The following OR10J1 variants were observed in gnomAD, a reference collection of about 807,000 sequenced individuals.
The protein encoded by OR10J1 is olfactory receptor 10J1.
For synonymous variants in OR10J1, 202 were observed against 143.8 expected, an observed-to-expected ratio of 1.40 and a Z score of -2.89; for missense variants, 474 against 376.6, an observed-to-expected ratio of 1.26 and a Z score of -2.14.
At chr1:159,422,719 C>A in the OR10J1 span, among the ~76,000 whole-genome samples, 1 of 152,148 alleles carries the variant, frequency 6.6e-6, no homozygotes, top group Non-Finnish European at 1.5e-5. Context: ...TAGAGCAGTG[C>A]CTTTGTGTAG....
chr1:159,429,326 T>C, the OR10J1 span, among the ~76,000 whole-genome samples: 2 of 152,348 alleles, frequency 1.3e-5, no homozygotes, highest in Non-Finnish European at 2.9e-5. Context: ...GAATGAGTCA[T>C]GGTTCCCACA....
the OR10J1 span, among the ~76,000 whole-genome samples, chr1:159,422,032 G>C: frequency 6.6e-6 from 1 of 152,132 alleles, no homozygotes; most frequent in African/African-American, 2.4e-5. Context: ...GCAATGCGCT[G>C]TACAGGCCTG....
upstream of OR10J1, among the ~76,000 whole-genome samples, chr1:159,436,477 T>A (rs181678564): frequency 3.4e-4 from 51 of 152,178 alleles, 1 homozygote; most frequent in East Asian, 9.5e-3. Context: ...TCTAGATCAG[T>A]CCCAATTATC....
rs1200600306 is a variant in OR10J1 at position 159,439,810 on chromosome 1, A to G, written c.19A>G (p.Thr7Ala). ...CCAATCCATGAAAAGAGAGAACTTT[A>G]CTCTCATCACTGACTTTGTTTTCCA... Reference protein sequence around the residue: MKRENFTLITDFVFQGF... With the variant: MKRENFALITDFVFQGF... The change falls in exon 1 of 1, where the codon ACT becomes GCT. Residue 7 changes from threonine (T) to alanine (A), a missense_variant. Coordinates refer to ENST00000423932, the MANE Select transcript of OR10J1 (RefSeq NM_012351.3). The G allele has an allele frequency of 4.3e-6, 7 of 1,613,832 alleles. No individual in the cohort carries two copies. The South Asian group carries it at 7.7e-5, about 18-fold the overall frequency.
the OR10J1 span, among the ~76,000 whole-genome samples, chr1:159,413,252 T>C: frequency 5.3e-5 from 8 of 152,116 alleles, no homozygotes; most frequent in Non-Finnish European, 1.2e-4. Flanking sequence ...GACTGTAAAC[T>C]AGTTCAACCA....
chr1:159,426,391 A>C, the OR10J1 span, among the ~76,000 whole-genome samples: 1 of 151,886 alleles, frequency 6.6e-6, no homozygotes, highest in Non-Finnish European at 1.5e-5. Context: ...AAATTGTTGT[A>C]ATATTGCTCA....
the OR10J1 span, among the ~76,000 whole-genome samples, chr1:159,426,296 A>G: frequency 5.1e-3 from 771 of 152,010 alleles, 11 homozygotes; most frequent in African/African-American, 0.017. Flanking sequence ...TACCACTTCA[A>G]TTTTTTAAAA....
chr1:159,413,999 T>G, the OR10J1 span, among the ~76,000 whole-genome samples: 281 of 152,152 alleles, frequency 1.8e-3, no homozygotes, highest in Non-Finnish European at 3.2e-3. Flanking sequence ...ATGGGGTACA[T>G]GTGAGTATTT....
rs10908722 is a variant in OR10J1 at position 159,439,944 on chromosome 1, G to T, written c.153G>T (p.Met51Ile). The T allele has an allele frequency of 1, 1,611,221 of 1,614,158 alleles. 804,189 individuals are homozygous for T. The highest frequency in any genetic ancestry group is 1 in the East Asian group (44,880 of 44,880). The change falls in exon 1 of 1, where the codon ATG becomes ATT. Residue 51 changes from methionine to isoleucine, a missense_variant. Physicochemically the swap from Met to Ile is conservative, Grantham distance 10 (BLOSUM62 1). Coordinates refer to ENST00000423932, the MANE Select transcript of OR10J1 (RefSeq NM_012351.3). ...GNIIIVTIIR[M>I]DLHLHTPMYF... ...TCATCATTGTGACCATCATCCGAAT[G>T]GATCTTCATCTTCACACACCCATGT...
the OR10J1 span, among the ~76,000 whole-genome samples, chr1:159,423,352 A>G: frequency 1.3e-5 from 2 of 152,192 alleles, no homozygotes; most frequent in Admixed American, 1.3e-4. Flanking sequence ...ACATTTCTGT[A>G]CATCTTGTGA....
chr1:159,425,834 A>C, the OR10J1 span, among the ~76,000 whole-genome samples: 2 of 152,084 alleles, frequency 1.3e-5, no homozygotes, highest in Non-Finnish European at 2.9e-5. Flanking sequence ...CATTATGTGC[A>C]TATTTTATAC....
At chr1:159,404,792 A>G in the OR10J1 span, among the ~76,000 whole-genome samples, 1 of 152,178 alleles carries the variant, frequency 6.6e-6, no homozygotes, top group Non-Finnish European at 1.5e-5. Context: ...AATTCTATCT[A>G]TATGTGCTTT....
Position 159,440,651 on chromosome 1 carries a change from TG to T in OR10J1, c.862del (p.Val288TyrfsTer4). The T allele has an allele frequency of 6.2e-7, 1 of 1,613,964 alleles. No homozygotes were observed. The highest frequency in any genetic ancestry group is 8.5e-7 in the Non-Finnish European group (1 of 1,179,974). On this transcript the variant is annotated frameshift_variant, in exon 1 of 1. Coordinates refer to ENST00000423932, the MANE Select transcript of OR10J1 (RefSeq NM_012351.3). LOFTEE classifies it low-confidence loss of function (END_TRUNC). ...GTCATCACTCCCCTACTGAACCCTGTGGTATACACCCTGAGAAATAAAGAGG... is the reference window on the plus strand; with the variant it reads ...GTCATCACTCCCCTACTGAACCCTGTGTATACACCCTGAGAAATAAAGAGG... ...YTVITPLLNPVVYTLRNKEVK... is the reference protein window; with the variant it reads ...YTVITPLLNPXVYTLRNKEVK...
At chr1:159,412,912 G>T in the OR10J1 span, among the ~76,000 whole-genome samples, 3 of 151,780 alleles carry the variant, frequency 2.0e-5, no homozygotes, top group African/African-American at 7.3e-5. Context: ...CCTACAACAT[G>T]GGAGAAAATT....
chr1:159,427,864 T>C, the OR10J1 span, among the ~76,000 whole-genome samples: 2 of 152,152 alleles, frequency 1.3e-5, no homozygotes, highest in African/African-American at 4.8e-5. Context: ...AAGTAGGGGT[T>C]TCCGTTAAAA....
chr1:159,435,461 T>C (rs531423875), upstream of OR10J1, among the ~76,000 whole-genome samples: 1 of 152,364 alleles, frequency 6.6e-6, no homozygotes, highest in Non-Finnish European at 1.5e-5. Context: ...TTTTCAGAAC[T>C]TATTTTTCCT....
chr1:159,406,941 C>A, the OR10J1 span, among the ~76,000 whole-genome samples: 2 of 152,120 alleles, frequency 1.3e-5, no homozygotes, highest in Admixed American at 1.3e-4. Context: ...TAGTGCAAGG[C>A]CAGGCTGTGG....
the OR10J1 span, among the ~76,000 whole-genome samples, chr1:159,426,998 A>G: frequency 2.0e-5 from 3 of 151,962 alleles, no homozygotes; most frequent in African/African-American, 7.2e-5. Flanking sequence ...GCACAGAGAG[A>G]CTGAGCAATA....
At chr1:159,397,518 A>G in the OR10J1 span, among the ~76,000 whole-genome samples, 1 of 152,070 alleles carries the variant, frequency 6.6e-6, no homozygotes, top group South Asian at 2.1e-4. Flanking sequence ...AGGGGAGCCC[A>G]CTACCCTGAA....
Sources: allele counts gnomAD v4.1 joint callset (sites outside exome capture counted in the v4.1 genomes callset), GRCh38; gene constraint gnomAD v4.1.1; transcripts MANE v1.5; gene names NCBI Gene and HGNC (gene_info 2026-07-23, HGNC 2026-07-21).